Variants in IL6R observed in about 807,000 individuals in gnomAD.
IL6R encodes the protein interleukin 6 receptor.
IL6R carries 38 observed loss-of-function variants against 48.3 expected under a neutral mutation model. The ratio of observed to expected loss-of-function variants is 0.79; its 90% CI spans 0.61 to 1.03. The LOEUF (loss-of-function observed/expected upper bound fraction) is 1.03. IL6R is among the 50% of genes least tolerant of loss of function. IL6R has a pLI of 0.00. For synonymous variants in IL6R, 264 were observed against 256.2 expected (o/e 1.03, Z -0.29); for missense variants, 534 against 618.3 (o/e 0.86, Z 1.45).
chr1:154,436,422 G>A (rs949304071), intron 6 of IL6R, among the ~76,000 whole-genome samples: 1 of 152,228 alleles, frequency 6.6e-6, no homozygotes, highest in African/African-American at 2.4e-5. Flanking sequence ...AGGTTGCAGT[G>A]AGCCGAAATC....
chr1:154,414,454 C>T, intron 1 of IL6R: 1 of 1,225,842 alleles, frequency 8.2e-7, no homozygotes, highest in Non-Finnish European at 1.2e-6. Context: ...GCTCCTGCTG[C>T]TGGCCGGCAA....
intron 1 of IL6R, among the ~76,000 whole-genome samples, chr1:154,421,621 C>T (rs765551161): frequency 1.8e-4 from 28 of 152,192 alleles, no homozygotes; most frequent in Non-Finnish European, 4.1e-4. Context: ...AGAACTCTCA[C>T]TGTTTTTTGT....
In IL6R at chr1:154,423,260, A is replaced by AATATATATAT. The variant is rs35079361; in HGVS notation, c.86-5921_86-5912dup. On this transcript the variant is annotated intron_variant, in intron 1 of 9. Coordinates refer to ENST00000368485, the MANE Select transcript of IL6R (RefSeq NM_000565.4). ...CCAGGCTATGTAGCTTGTTTAATTA[A>AATATATATAT]ATATATATATATATATATATATATG... Among the ~76,000 whole-genome samples the AATATATATAT allele has an allele frequency of 4.1e-3, 354 of 85,440 alleles. 29 individuals carry two copies. The highest frequency in any genetic ancestry group is 0.023 in the South Asian group (60 of 2,654). 56.1% of individuals were successfully genotyped at this position (85,440 alleles called of 152,430 possible). A position where few individuals can be genotyped will look rare whatever the true frequency, so the allele number is the denominator to read the frequency against.
chr1:154,448,311 C>G lies in IL6R; in HGVS notation c.996+140C>G, dbSNP rs751586494. 1.0e-4 allele frequency: 70 copies of G among 682,200 alleles called. 1 individual carries two copies. The highest frequency in any genetic ancestry group is 1.8e-4 in the Non-Finnish European group (66 of 373,990). 42.3% of individuals were successfully genotyped at this position (682,200 alleles called of 1,614,324 possible). A position where few individuals can be genotyped will look rare whatever the true frequency, so the allele number is the denominator to read the frequency against. ...GTCGTGGTGAGTTACCTGTGCTTTT[C>G]AAACCTCTGTGAAAGGGAATCATAG... On this transcript the variant is annotated intron_variant, in intron 7 of 9. Transcript: ENST00000368485.
intron 1 of IL6R, among the ~76,000 whole-genome samples, chr1:154,428,816 A>G (rs932229833): frequency 6.6e-6 from 1 of 152,054 alleles, no homozygotes; most frequent in Non-Finnish European, 1.5e-5. Context: ...TGAGGAGGAG[A>G]GCGAGGGGAG....
At chr1:154,428,352 G>A (rs1689090183) in intron 1 of IL6R, among the ~76,000 whole-genome samples, 1 of 152,064 alleles carries the variant, frequency 6.6e-6, no homozygotes, top group Non-Finnish European at 1.5e-5. Context: ...CATGGAACAG[G>A]GAACCAGAAG....
rs557765840 is a variant in IL6R, at chr1:154,460,312, G to A, written c.1161-4822G>A. ...CCAGGCCAGCTCTGGACACCCTCAGGTTGGCTGGTTTCAAAGTCCTCTTTG... is the reference window on the plus strand; with the variant it reads ...CCAGGCCAGCTCTGGACACCCTCAGATTGGCTGGTTTCAAAGTCCTCTTTG... On this transcript the variant is annotated intron_variant, in intron 9 of 9. Transcript: ENST00000368485. Among the ~76,000 whole-genome samples the A allele has an allele frequency of 8.5e-5, 13 of 152,180 alleles. No homozygotes were observed. In the Middle Eastern group the frequency reaches 0.014, roughly 159 times the overall value.
At chr1:154,412,250 CT>C (rs201253814) in intron 1 of IL6R, among the ~76,000 whole-genome samples, 15 of 141,030 alleles carry the variant, frequency 1.1e-4, no homozygotes, top group South Asian at 2.3e-4. Context: ...CCCGGTGAGC[CT>C]TTTTTTTTTG....
intron 6 of IL6R, chr1:154,445,034 T>C (rs1466260812): frequency 4.4e-6 from 2 of 455,082 alleles, no homozygotes; most frequent in East Asian, 1.4e-4. Context: ...TTTTCTGTAC[T>C]TGTCTCCACT....
intron 9 of IL6R, among the ~76,000 whole-genome samples, chr1:154,455,340 A>G (rs1377982833): frequency 6.6e-6 from 1 of 152,116 alleles, no homozygotes; most frequent in Non-Finnish European, 1.5e-5. Flanking sequence ...GTAGGCTGGC[A>G]CCAGGTCATA....
chr1:154,416,762 T>C (rs1375779251), intron 1 of IL6R, among the ~76,000 whole-genome samples: 1 of 152,044 alleles, frequency 6.6e-6, no homozygotes, highest in African/African-American at 2.4e-5. Flanking sequence ...GGGGCCTGTA[T>C]GAAAAAGTGT....
At chr1:154,432,514 C>T (rs1406281558) in intron 3 of IL6R, among the ~76,000 whole-genome samples, 2 of 152,104 alleles carry the variant, frequency 1.3e-5, no homozygotes, top group Non-Finnish European at 2.9e-5. Context: ...CACACCACCA[C>T]GCCTGGCTAA....
At chr1:154,458,836 G>A (rs1571010784) in intron 9 of IL6R, among the ~76,000 whole-genome samples, 1 of 151,750 alleles carries the variant, frequency 6.6e-6, no homozygotes, top group Admixed American at 6.6e-5. Flanking sequence ...GGGAGGCAGA[G>A]GTTGCAGTGA....
chr1:154,413,769 CTTT>C (rs1266706392), intron 1 of IL6R, among the ~76,000 whole-genome samples: 9 of 111,730 alleles, frequency 8.1e-5, no homozygotes, highest in Admixed American at 2.7e-4. Context: ...TCATACATGA[CTTT>C]TTTTTTTTTT....
At position 154,436,119 on chromosome 1, in the gene IL6R, G is replaced by T. The variant is rs971954054; in HGVS notation, c.949+9G>T. On this transcript the variant is annotated intron_variant, in intron 6 of 9. Transcript: ENST00000368485. ...GGGCACGCCTTGGACAGGTACTGCGGTGGGCACTGAGAAAGGAAGGGATGT... is the reference window on the plus strand; with the variant it reads ...GGGCACGCCTTGGACAGGTACTGCGTTGGGCACTGAGAAAGGAAGGGATGT... 1 of 1,592,738 alleles carries T rather than the reference G, an allele frequency of 6.3e-7. No homozygotes were observed. Among genetic ancestry groups the T allele is most frequent in the African/African-American group, 1.3e-5 (1 of 74,490 alleles).
rs551563705 is a variant in IL6R, at chr1:154,431,799, G to A, written c.458+1193G>A. 1.1e-4 allele frequency among the ~76,000 whole-genome samples: 16 copies of A among 152,310 alleles called. 1 individual carries two copies. The highest frequency in any genetic ancestry group is 3.9e-4 in the East Asian group (2 of 5,188). On this transcript the variant is annotated intron_variant, in intron 3 of 9. Coordinates refer to ENST00000368485, the MANE Select transcript of IL6R (RefSeq NM_000565.4). ...TGATGATGGCGGTGGATGTCAGGACGAGTGATGGGTAGCATGCACAGCGCA... is the reference window on the plus strand; with the variant it reads ...TGATGATGGCGGTGGATGTCAGGACAAGTGATGGGTAGCATGCACAGCGCA...
chr1:154,430,579 C>G lies in IL6R; in HGVS notation c.431C>G (p.Thr144Arg). The G allele has an allele frequency of 6.2e-7, 1 of 1,614,226 alleles. No homozygotes were observed. Among genetic ancestry groups the G allele is most frequent in the South Asian group, 1.1e-5 (1 of 91,082 alleles). Residue 144 changes from threonine to arginine, a missense_variant, in exon 3 of 10, where the codon ACA (threonine) becomes AGA (arginine). Coordinates refer to ENST00000368485, the MANE Select transcript of IL6R (RefSeq NM_000565.4). ...CCTCGGAGCACCCCATCCCTGACGA[C>G]AAAGGCTGTGCTCTTGGTGAGGAAG... ...WGPRSTPSLT[T>R]KAVLLVRKFQ...
intron 6 of IL6R, among the ~76,000 whole-genome samples, chr1:154,444,127 A>G (rs985142334): frequency 4.0e-5 from 6 of 151,678 alleles, no homozygotes; most frequent in Non-Finnish European, 1.5e-5. Flanking sequence ...CTTGTGCACA[A>G]CTGGGTGATT....
At chr1:154,406,905 C>T (rs925840641) in intron 1 of IL6R, among the ~76,000 whole-genome samples, 3 of 152,164 alleles carry the variant, frequency 2.0e-5, no homozygotes, top group Non-Finnish European at 1.5e-5. Flanking sequence ...GTTTTCTAAT[C>T]CTCCACTGTA....
Sources: allele counts gnomAD v4.1 joint callset (sites outside exome capture counted in the v4.1 genomes callset), GRCh38; gene constraint gnomAD v4.1.1; transcripts MANE v1.5; gene names NCBI Gene and HGNC (gene_info 2026-07-23, HGNC 2026-07-21).